Variants in PRUNE2 observed in about 807,000 individuals in gnomAD.
The protein encoded by PRUNE2 is protein prune homolog 2.
A neutral mutation model predicts 252.0 loss-of-function variants in PRUNE2; 164 were observed. The ratio of observed to expected loss-of-function variants is 0.65; its 90% CI spans 0.57 to 0.74. The LOEUF (loss-of-function observed/expected upper bound fraction) is 0.74, where lower values mean the gene tolerates loss of function less well. Among genes scored for constraint, PRUNE2 ranks in the 30% least tolerant of loss-of-function variants. The pLI is 0.00. For missense variants in PRUNE2, 3,495 were observed against 3,711.0 expected (o/e 0.94, Z 1.51); for synonymous variants, 1,292 against 1,350.2 (o/e 0.96, Z 0.94).
rs375925779 is a variant in PRUNE2, at chr9:76,705,968, G to A, written c.6306C>T (p.Ser2102=). The change falls in exon 8 of 19, where the codon TCC becomes TCT. Residue 2102 remains serine, a synonymous_variant. Transcript: ENST00000376718. ...HCEHDSNSQA[S]DSPDICHDSE... ...AATCGTGACATATATCAGGGCTGTC[G>A]GAAGCCTGAGAATTGCTGTCATGTT... The A allele has an allele frequency of 6.2e-6, 10 of 1,613,950 alleles. No homozygotes were observed. In the East Asian group the frequency reaches 6.7e-5, roughly 11 times the overall value.
chr9:76,904,663 T>C (rs1188297793), intron 1 of PRUNE2, among the ~76,000 whole-genome samples: 1 of 152,214 alleles, frequency 6.6e-6, no homozygotes, highest in Non-Finnish European at 1.5e-5. Flanking sequence ...AAAGGGTCAA[T>C]AAACACAGAG....
chr9:76,758,562 T>C (rs1040242039), intron 6 of PRUNE2: 1 of 151,544 alleles, frequency 6.6e-6, no homozygotes, highest in Admixed American at 6.6e-5. Flanking sequence ...TGCAGCACCG[T>C]GATACTAGCT....
chr9:76,755,817 T>TCAG (rs1270661081), intron 6 of PRUNE2, among the ~76,000 whole-genome samples: 1 of 152,160 alleles, frequency 6.6e-6, no homozygotes, highest in African/African-American at 2.4e-5. Context: ...TTGTCTCGCT[T>TCAG]CAGCCCGCCA....
At chr9:76,778,154 G>A (rs2054000861) in intron 6 of PRUNE2, among the ~76,000 whole-genome samples, 4 of 152,186 alleles carry the variant, frequency 2.6e-5, no homozygotes, top group African/African-American at 9.7e-5. Flanking sequence ...TCTGGAGGTA[G>A]ACTTGAGAAT....
chr9:76,690,185 T>A (rs1019927160), intron 9 of PRUNE2, among the ~76,000 whole-genome samples: 4 of 152,204 alleles, frequency 2.6e-5, no homozygotes, highest in African/African-American at 9.6e-5. Flanking sequence ...CCTTCTCTAC[T>A]TTTCCTTCTG....
At chr9:76,783,129 G>T (rs114409241) in intron 6 of PRUNE2, among the ~76,000 whole-genome samples, 2 of 151,984 alleles carry the variant, frequency 1.3e-5, no homozygotes, top group African/African-American at 4.8e-5. Flanking sequence ...ATCTGACTAT[G>T]CCTTTTTTTG....
intron 9 of PRUNE2, among the ~76,000 whole-genome samples, chr9:76,700,998 C>T (rs988754185): frequency 6.6e-6 from 1 of 152,234 alleles, no homozygotes; most frequent in Non-Finnish European, 1.5e-5. Context: ...TACCTTTTTA[C>T]TTATGTCTAA....
chr9:76,881,301 G>C lies in PRUNE2; in HGVS notation c.36+24627C>G, dbSNP rs889053006. The stretch of plus-strand genomic sequence containing the variant: ...TTTTTAAGAGTGGAAAGGGATCTAA[G>C]ACCAAAACGTTTGAGAAGCACTATA... On this transcript the variant is annotated intron_variant, in intron 1 of 18. Transcript: ENST00000376718. Among the ~76,000 whole-genome samples the C allele has an allele frequency of 9.2e-5, 14 of 152,026 alleles. 1 individual carries two copies. Among genetic ancestry groups the C allele is most frequent in the African/African-American group, 2.7e-4 (11 of 41,396 alleles).
At chr9:76,735,082 G>A (rs1325836763) in intron 6 of PRUNE2, among the ~76,000 whole-genome samples, 1 of 152,148 alleles carries the variant, frequency 6.6e-6, no homozygotes, top group African/African-American at 2.4e-5. Flanking sequence ...GGACAACACT[G>A]AGAAACAGAG....
intron 10 of PRUNE2, among the ~76,000 whole-genome samples, chr9:76,653,357 G>C (rs1205696527): frequency 2.6e-5 from 4 of 152,126 alleles, no homozygotes; most frequent in African/African-American, 9.7e-5. Context: ...ATATAAAATG[G>C]TGTAGTGTTG....
intron 18 of PRUNE2, chr9:76,615,102 T>C (rs1828794263): frequency 9.1e-6 from 9 of 986,222 alleles, no homozygotes; most frequent in Non-Finnish European, 1.1e-5. Flanking sequence ...CCTACCTTAC[T>C]GAGATGGATG....
rs796867160 is a variant in PRUNE2, at chr9:76,833,761, T to TA, written c.509-7030dup. On this transcript the variant is annotated intron_variant, in intron 4 of 18. Transcript: ENST00000376718. ...GCCTGGGCGACAGAGCAAGACTCCA[T>TA]AAAAAAAAATAAATAAATAAAAAAT... is the stretch of plus-strand genomic sequence containing the variant. 3.6e-3 allele frequency among the ~76,000 whole-genome samples: 511 copies of TA among 142,888 alleles called. 5 individuals are homozygous for TA. The highest frequency in any genetic ancestry group is 0.012 in the African/African-American group (481 of 38,738). 93.7% of individuals were successfully genotyped at this position (142,888 alleles called of 152,430 possible). A position where few individuals can be genotyped will look rare whatever the true frequency, so the allele number is the denominator to read the frequency against.
chr9:76,631,387 CT>C (rs773385863), intron 15 of PRUNE2, among the ~76,000 whole-genome samples: 1 of 152,210 alleles, frequency 6.6e-6, no homozygotes, highest in Non-Finnish European at 1.5e-5. Flanking sequence ...GCTCTTCTCT[CT>C]AATTTCAGCT....
At chr9:76,615,035 A>G (rs1828759664) in intron 18 of PRUNE2, 1 of 917,774 alleles carries the variant, frequency 1.1e-6, no homozygotes, top group Admixed American at 6.1e-5. Flanking sequence ...AATGGTAAAC[A>G]ACAAAACAAC....
chr9:76,625,002 TAGG>T (rs1387234562), intron 16 of PRUNE2: 1 of 1,297,812 alleles, frequency 7.7e-7, no homozygotes. Context: ...CCAGCATGAA[TAGG>T]AGATCAGGAG....
chr9:76,881,796 T>A (rs2061804509), intron 1 of PRUNE2, among the ~76,000 whole-genome samples: 1 of 152,044 alleles, frequency 6.6e-6, no homozygotes, highest in Non-Finnish European at 1.5e-5. Flanking sequence ...TATTTTTTTG[T>A]ATTTTTAGTA....
chr9:76,802,725 A>G (rs969734280), intron 6 of PRUNE2, among the ~76,000 whole-genome samples: 1 of 152,116 alleles, frequency 6.6e-6, no homozygotes, highest in Non-Finnish European at 1.5e-5. Flanking sequence ...ATTAAATACC[A>G]GAGAGAAAGC....
intron 6 of PRUNE2, chr9:76,736,557 A>C (rs1328094751): frequency 6.6e-6 from 1 of 152,230 alleles, no homozygotes; most frequent in East Asian, 1.9e-4. Flanking sequence ...TCTGATGAGC[A>C]CCTGCCTCCT....
chr9:76,723,746 A>T (rs371350408), intron 6 of PRUNE2, among the ~76,000 whole-genome samples: 55 of 152,238 alleles, frequency 3.6e-4, no homozygotes, highest in Admixed American at 1.1e-3. Context: ...GTTTATTGAA[A>T]ACTGAAAATC....
Sources: gnomAD v4.1 joint callset for allele counts (sites outside exome capture counted in the v4.1 genomes callset) on GRCh38, gnomAD v4.1.1 for gene constraint, MANE v1.5 for transcripts, NCBI Gene and HGNC (gene_info 2026-07-23, HGNC 2026-07-21) for gene names.